Variants in DPP10 observed in about 807,000 individuals in gnomAD.
DPP10 encodes dipeptidyl peptidase like 10.
DPP10 carries 33 observed loss-of-function variants against 120.9 expected under a neutral mutation model. The ratio of observed to expected loss-of-function variants is 0.27; its 90% CI spans 0.21 to 0.37. The LOEUF is 0.37. DPP10 is among the 10% of genes least tolerant of loss of function. DPP10 has a pLI of 1.00. For synonymous variants in DPP10, 337 were observed against 326.1 expected, an observed-to-expected ratio of 1.03 and a Z score of -0.36; for missense variants, 816 against 942.8, an observed-to-expected ratio of 0.87 and a Z score of 1.76.
chr2:114,536,408 C>CT (rs70937287), intron 1 of DPP10, among the ~76,000 whole-genome samples: 57,420 of 128,002 alleles, frequency 0.45, 13,500 homozygotes, highest in Non-Finnish European at 0.5. Flanking sequence ...TTTTCTTTTT[C>CT]TTTTTTTTTT....
chr2:115,195,971 G>A (rs1184797580), intron 1 of DPP10, among the ~76,000 whole-genome samples: 1 of 152,176 alleles, frequency 6.6e-6, no homozygotes, highest in East Asian at 1.9e-4. Flanking sequence ...TGGAACAGAA[G>A]CAGAGATAAA....
At chr2:114,788,736 C>T (rs183210770) in intron 1 of DPP10, among the ~76,000 whole-genome samples, 24 of 152,100 alleles carry the variant, frequency 1.6e-4, no homozygotes, top group Admixed American at 7.2e-4. Flanking sequence ...TAATTTTGGC[C>T]GATCTTTTAG....
chr2:115,115,645 C>A (rs750982565), intron 1 of DPP10, among the ~76,000 whole-genome samples: 2 of 152,176 alleles, frequency 1.3e-5, no homozygotes, highest in Non-Finnish European at 2.9e-5. Context: ...GTGCACATTA[C>A]AATACCCTGT....
chr2:115,459,433 A>G (rs926634763), intron 3 of DPP10, among the ~76,000 whole-genome samples: 4 of 152,138 alleles, frequency 2.6e-5, no homozygotes, highest in Non-Finnish European at 4.4e-5. Context: ...CTGGGATTAC[A>G]GGCATGAGCT....
chr2:115,690,064 A>G (rs2091227911), intron 7 of DPP10, 143 bp downstream of exon 7: 2 of 697,150 alleles, frequency 2.9e-6, no homozygotes, highest in Admixed American at 3.3e-5. Context: ...TTTATCTAAT[A>G]GTCCAACTTA....
At chr2:115,018,645 A>T (rs1224211031) in intron 1 of DPP10, among the ~76,000 whole-genome samples, 1 of 152,126 alleles carries the variant, frequency 6.6e-6, no homozygotes, top group African/African-American at 2.4e-5. Context: ...CTCACTCATA[A>T]GTAGGAGCTG....
chr2:115,190,382 G>A (rs1442515485), intron 1 of DPP10, among the ~76,000 whole-genome samples: 1 of 151,840 alleles, frequency 6.6e-6, no homozygotes, highest in African/African-American at 2.4e-5. Flanking sequence ...TAGGGTGAAA[G>A]GCATGACCAG....
chr2:114,937,548 C>T (rs1466075660), intron 1 of DPP10, among the ~76,000 whole-genome samples: 1 of 152,124 alleles, frequency 6.6e-6, no homozygotes, highest in East Asian at 1.9e-4. Flanking sequence ...GGTTTCACGC[C>T]CTCTTGAACT....
chr2:115,800,951 G>A (rs1254454764), intron 19 of DPP10, among the ~76,000 whole-genome samples: 1 of 152,034 alleles, frequency 6.6e-6, no homozygotes, highest in Non-Finnish European at 1.5e-5. Flanking sequence ...CTTTAAAGTA[G>A]TTTTTTCCAA....
intron 17 of DPP10, among the ~76,000 whole-genome samples, chr2:115,785,554 C>T (rs570267432): frequency 6.6e-6 from 1 of 152,254 alleles, no homozygotes; most frequent in African/African-American, 2.4e-5. Flanking sequence ...TCTCCCTGGT[C>T]CACTCTTGAA....
At chr2:114,806,582 T>A (rs146751446) in intron 1 of DPP10, among the ~76,000 whole-genome samples, 1 of 152,354 alleles carries the variant, frequency 6.6e-6, no homozygotes, top group Admixed American at 6.5e-5. Flanking sequence ...AAGAACTTGT[T>A]CTTAGATCGT....
At chr2:115,532,871 A>G (rs1329291239) in intron 5 of DPP10, among the ~76,000 whole-genome samples, 6 of 152,066 alleles carry the variant, frequency 3.9e-5, no homozygotes, top group East Asian at 3.9e-4. Context: ...TAATTTAACC[A>G]ATAAATCTAT....
chr2:115,523,351 T>A (rs1030371096), intron 4 of DPP10, among the ~76,000 whole-genome samples: 1 of 124,086 alleles, frequency 8.1e-6, no homozygotes, highest in Non-Finnish European at 1.6e-5. Context: ...ATGAGGGAGG[T>A]GAGATTTCCT....
chr2:115,751,673 T>C (rs1340036796), intron 10 of DPP10, among the ~76,000 whole-genome samples: 1 of 152,194 alleles, frequency 6.6e-6, no homozygotes, highest in Non-Finnish European at 1.5e-5. Context: ...TATGTAACAT[T>C]CATGTAGTTG....
At chr2:114,773,552 C>T (rs73949017) in intron 1 of DPP10, among the ~76,000 whole-genome samples, 1 of 152,130 alleles carries the variant, frequency 6.6e-6, no homozygotes, top group African/African-American at 2.4e-5. Flanking sequence ...AATAAACAAG[C>T]CCTGCTCACA....
intron 1 of DPP10, among the ~76,000 whole-genome samples, chr2:114,638,040 T>C (rs1213890291): frequency 2.0e-5 from 3 of 151,944 alleles, no homozygotes; most frequent in Non-Finnish European, 4.4e-5. Context: ...GGTAGTTTGA[T>C]AGGAATAATG....
chr2:114,453,186 T>C (rs1678381127), intron 1 of DPP10, among the ~76,000 whole-genome samples: 1 of 152,026 alleles, frequency 6.6e-6, no homozygotes, highest in South Asian at 2.1e-4. Context: ...GACATATAAG[T>C]TGCACCACAC....
At chr2:115,330,577 T>A (rs969607797) in intron 2 of DPP10, among the ~76,000 whole-genome samples, 6 of 152,130 alleles carry the variant, frequency 3.9e-5, no homozygotes, top group African/African-American at 1.4e-4. Flanking sequence ...ACTCTAACAT[T>A]TAAGTCTTTA....
At chr2:115,593,969 T>C (rs914429822) in intron 5 of DPP10, among the ~76,000 whole-genome samples, 1 of 152,288 alleles carries the variant, frequency 6.6e-6, no homozygotes, top group Admixed American at 6.5e-5. Context: ...AGATACCTAT[T>C]ATGAAGTGGG....
Sources: gnomAD v4.1 joint callset for allele counts (sites outside exome capture counted in the v4.1 genomes callset) on GRCh38, gnomAD v4.1.1 for gene constraint, MANE v1.5 for transcripts, NCBI Gene and HGNC (gene_info 2026-07-23, HGNC 2026-07-21) for gene names.